Variants in ATRNL1 observed in about 807,000 individuals in gnomAD.
The protein encoded by ATRNL1 is attractin-like protein 1.
A neutral mutation model predicts 182.7 loss-of-function variants in ATRNL1; 95 were observed. The observed-to-expected ratio is 0.52, with a 90% CI of 0.44 to 0.62. ATRNL1 has a LOEUF of 0.62. Ranked by LOEUF, ATRNL1 falls within the 20% of genes least tolerant of loss-of-function variation. The pLI, the probability that ATRNL1 is intolerant of heterozygous loss-of-function variation, is 0.00. For synonymous variants in ATRNL1, 576 were observed against 568.3 expected, an observed-to-expected ratio of 1.01 and a Z score of -0.19; for missense variants, 1,471 against 1,679.5, an observed-to-expected ratio of 0.88 and a Z score of 2.17.
chr10:115,859,489 A>G (rs1450910901), intron 28 of ATRNL1, among the ~76,000 whole-genome samples: 3 of 152,208 alleles, frequency 2.0e-5, no homozygotes, highest in Admixed American at 6.5e-5. Flanking sequence ...AGCCCAGAAA[A>G]GGCAGGCAGA....
chr10:115,581,251 C>T (rs2769373), intron 26 of ATRNL1, among the ~76,000 whole-genome samples: 147,602 of 151,954 alleles, frequency 0.97, 71,846 homozygotes, highest in East Asian at 1. Context: ...TCTTTTTTTT[C>T]AGTGATCCCC....
chr10:115,494,219 T>C (rs1229545290), intron 24 of ATRNL1, among the ~76,000 whole-genome samples: 3 of 152,188 alleles, frequency 2.0e-5, no homozygotes, highest in African/African-American at 4.8e-5. Context: ...GTTTATCAGA[T>C]CTAGGAGCTT....
chr10:115,772,597 CTGTGTGTGTGTGTGTG>C (rs57939999), intron 27 of ATRNL1, among the ~76,000 whole-genome samples: 2 of 140,350 alleles, frequency 1.4e-5, no homozygotes, highest in Non-Finnish European at 3.1e-5. Flanking sequence ...TATACTCTGT[CTGTGTGTGTGTGTGTG>C]TGTGTGTGTG....
chr10:115,348,390 C>T (rs1856073948), intron 19 of ATRNL1, among the ~76,000 whole-genome samples: 1 of 152,094 alleles, frequency 6.6e-6, no homozygotes, highest in African/African-American at 2.4e-5. Flanking sequence ...ATGTTCCTGG[C>T]AAATGTTAAC....
chr10:115,375,623 G>C (rs1173472598), intron 19 of ATRNL1, among the ~76,000 whole-genome samples: 1 of 150,996 alleles, frequency 6.6e-6, no homozygotes, highest in African/African-American at 2.4e-5. Flanking sequence ...TTTATCTTTT[G>C]TGCATGTACT....
chr10:115,615,935 A>G (rs781929581), intron 26 of ATRNL1, among the ~76,000 whole-genome samples: 1 of 152,214 alleles, frequency 6.6e-6, no homozygotes, highest in Non-Finnish European at 1.5e-5. Flanking sequence ...ATTGCTATAA[A>G]GATACCTGAA....
intron 18 of ATRNL1, among the ~76,000 whole-genome samples, chr10:115,325,541 G>T (rs1554932929): frequency 2.6e-5 from 4 of 152,116 alleles, no homozygotes; most frequent in Non-Finnish European, 4.4e-5. Flanking sequence ...CTGCAGGTAG[G>T]TCTAAAGTAT....
chr10:115,841,600 A>G (rs782697732), intron 27 of ATRNL1, among the ~76,000 whole-genome samples: 15 of 152,080 alleles, frequency 9.9e-5, no homozygotes, highest in Non-Finnish European at 1.9e-4. Context: ...TTCTCTTTGA[A>G]TTGGCTTCTA....
chr10:115,781,932 A>G (rs1454825229), intron 27 of ATRNL1, among the ~76,000 whole-genome samples: 3 of 152,162 alleles, frequency 2.0e-5, no homozygotes, highest in Non-Finnish European at 4.4e-5. Context: ...CTTACCCACA[A>G]TGTTTTTTAT....
chr10:115,647,051 G>A (rs1486429922), intron 26 of ATRNL1, among the ~76,000 whole-genome samples: 4 of 149,642 alleles, frequency 2.7e-5, no homozygotes, highest in Non-Finnish European at 5.9e-5. Flanking sequence ...AACATGCAGT[G>A]TTTGGTTTTC....
In ATRNL1 at chr10:115,162,110, G is replaced by A. The variant is rs78585514; in HGVS notation, c.1004+1896G>A. 6.6e-3 allele frequency among the ~76,000 whole-genome samples: 1,004 copies of A among 151,702 alleles called. 5 individuals are homozygous for A. The highest frequency in any genetic ancestry group is 0.011 in the Non-Finnish European group (771 of 67,890). ...ATATCATTGGATATAACAAATGCCC[G>A]TGTCTTTGTAAAGTTAGGGAGGAAA... On this transcript the variant is annotated intron_variant, in intron 6 of 28. Coordinates refer to ENST00000355044, the MANE Select transcript of ATRNL1 (RefSeq NM_207303.4).
chr10:115,262,619 A>C (rs1851438049), intron 10 of ATRNL1, among the ~76,000 whole-genome samples: 1 of 152,052 alleles, frequency 6.6e-6, no homozygotes, highest in African/African-American at 2.4e-5. Flanking sequence ...GCATGGAAGA[A>C]TATATGGTAA....
At chr10:115,103,090 T>C (rs1371690182) in intron 1 of ATRNL1, among the ~76,000 whole-genome samples, 1 of 148,652 alleles carries the variant, frequency 6.7e-6, no homozygotes, top group Non-Finnish European at 1.5e-5. Flanking sequence ...CAGGCTGGAG[T>C]GCAATGGCAT....
intron 26 of ATRNL1, among the ~76,000 whole-genome samples, chr10:115,673,199 T>A (rs74158241): frequency 0.023 from 3,511 of 152,232 alleles, 140 homozygotes; most frequent in African/African-American, 0.08. Context: ...GGATTCTATT[T>A]AAGACAGTAG....
intron 5 of ATRNL1, among the ~76,000 whole-genome samples, chr10:115,147,569 TA>T (rs2143868101): frequency 6.6e-6 from 1 of 152,274 alleles, no homozygotes; most frequent in South Asian, 2.1e-4. Flanking sequence ...GCATTTTGCC[TA>T]TGTTTTCTTC....
intron 25 of ATRNL1, among the ~76,000 whole-genome samples, chr10:115,534,914 T>A (rs189045840): frequency 1.3e-5 from 2 of 152,348 alleles, no homozygotes; most frequent in East Asian, 3.9e-4. Flanking sequence ...TTCTTTTCTT[T>A]AAGAATGTTG....
intron 5 of ATRNL1, among the ~76,000 whole-genome samples, chr10:115,145,755 T>C (rs1554879179): frequency 1.3e-5 from 2 of 152,194 alleles, no homozygotes; most frequent in African/African-American, 4.8e-5. Flanking sequence ...AAGCTACATT[T>C]ACCCCTCTTG....
At chr10:115,546,116 C>T (rs1219927029) in intron 25 of ATRNL1, among the ~76,000 whole-genome samples, 1 of 152,144 alleles carries the variant, frequency 6.6e-6, no homozygotes, top group Non-Finnish European at 1.5e-5. Context: ...CTTTTCTAAT[C>T]ATGAACATTA....
intron 26 of ATRNL1, among the ~76,000 whole-genome samples, chr10:115,602,897 G>A (rs192181119): frequency 2.7e-5 from 4 of 150,550 alleles, no homozygotes; most frequent in African/African-American, 9.8e-5. Flanking sequence ...GTCCCAAATG[G>A]CTGATAATTT....
Sources: gnomAD v4.1 joint callset for allele counts (sites outside exome capture counted in the v4.1 genomes callset) on GRCh38, gnomAD v4.1.1 for gene constraint, MANE v1.5 for transcripts, NCBI Gene and HGNC (gene_info 2026-07-23, HGNC 2026-07-21) for gene names.